Variants in SGCD observed in about 807,000 individuals in gnomAD.
SGCD encodes the protein delta-sarcoglycan.
Under a neutral mutation model 36.6 loss-of-function variants are expected in SGCD, and 18 were observed. That is an observed-to-expected ratio of 0.49 (90% confidence interval 0.34 to 0.73). SGCD has a LOEUF of 0.73. SGCD is among the 30% of genes least tolerant of loss of function. SGCD has a pLI of 0.01. For synonymous variants in SGCD, 133 were observed against 130.6 expected (o/e 1.02, Z -0.12); for missense variants, 387 against 346.7 (o/e 1.12, Z -0.92).
At chr5:155,825,686 T>C in the SGCD span, among the ~76,000 whole-genome samples, 1 of 151,834 alleles carries the variant, frequency 6.6e-6, no homozygotes, top group East Asian at 1.9e-4. Context: ...GATCGAGGAG[T>C]GCAAGCAATT....
chr5:156,428,326 A>C (rs1580978255), intron 3 of SGCD, among the ~76,000 whole-genome samples: 1 of 152,252 alleles, frequency 6.6e-6, no homozygotes, highest in South Asian at 2.1e-4. Flanking sequence ...TTATGTGCAT[A>C]AAGGTGTTCA....
At chr5:155,773,914 G>A in the SGCD span, among the ~76,000 whole-genome samples, 1 of 152,248 alleles carries the variant, frequency 6.6e-6, no homozygotes, top group Non-Finnish European at 1.5e-5. Flanking sequence ...AGGGTGGTGT[G>A]AAAATGTTGT....
intron 1 of SGCD, among the ~76,000 whole-genome samples, chr5:155,996,507 G>A (rs1409347586): frequency 6.6e-6 from 1 of 152,144 alleles, no homozygotes; most frequent in Non-Finnish European, 1.5e-5. Flanking sequence ...GCCGGGCGCG[G>A]TGGCTCACGC....
At chr5:156,669,141 G>T (rs1427740729) in intron 7 of SGCD, among the ~76,000 whole-genome samples, 2 of 152,100 alleles carry the variant, frequency 1.3e-5, no homozygotes, top group African/African-American at 4.8e-5. Flanking sequence ...AAAGTAGATA[G>T]TCCAGCTTGT....
At chr5:155,816,728 G>T in the SGCD span, among the ~76,000 whole-genome samples, 1 of 152,228 alleles carries the variant, frequency 6.6e-6, no homozygotes, top group East Asian at 1.9e-4. Context: ...GATTTGTGGG[G>T]ACAAGGCAGG....
intron 1 of SGCD, among the ~76,000 whole-genome samples, chr5:155,938,216 C>A (rs999877257): frequency 6.6e-6 from 1 of 152,180 alleles, no homozygotes; most frequent in Non-Finnish European, 1.5e-5. Context: ...CAATCAAACG[C>A]AGCATTTGAT....
intron 1 of SGCD, among the ~76,000 whole-genome samples, chr5:155,947,973 T>G (rs1757473017): frequency 6.6e-6 from 1 of 152,066 alleles, no homozygotes; most frequent in African/African-American, 2.4e-5. Context: ...TTATAAAGAT[T>G]TCATCATATG....
intron 1 of SGCD, among the ~76,000 whole-genome samples, chr5:156,099,177 G>C (rs977147783): frequency 6.6e-6 from 1 of 152,142 alleles, no homozygotes; most frequent in Non-Finnish European, 1.5e-5. Context: ...AGCTAGCCCC[G>C]TCTTTTTATC....
rs114881839 is a variant in SGCD, at chr5:156,025,295, G to A, written c.-281-92583G>A. 5.7e-3 allele frequency among the ~76,000 whole-genome samples: 869 copies of A among 152,262 alleles called. 3 individuals are homozygous for A. The highest frequency in any genetic ancestry group is 7.8e-3 in the Non-Finnish European group (533 of 68,012). On this transcript the variant is annotated intron_variant, in intron 1 of 9. Coordinates refer to the SGCD transcript ENST00000517913. ...GCCTCAGCATGAAAGTGGCCCATGA[G>A]TCTCCCACTCATATCTCATTAGTTG...
Position 156,761,008 on chromosome 5 carries a change from T to C in SGCD, c.*1618T>C, listed in dbSNP as rs1389818. On this transcript the variant is annotated 3_prime_UTR_variant, in exon 9 of 9. Coordinates refer to ENST00000337851, the MANE Select transcript of SGCD (RefSeq NM_000337.6). ...ACAGTCCTGGATGCCATTTGGAAAG[T>C]AGTGGCCCTGCAAGCCTAAATGAAG... 20,375 of 152,148 alleles carry C rather than the reference T, an allele frequency of 0.13. 2,678 individuals carry two copies. Among genetic ancestry groups the C allele is most frequent in the African/African-American group, 0.34 (14,129 of 41,452 alleles). 9.4% of individuals were successfully genotyped at this position (152,148 alleles called of 1,614,324 possible). A position where few individuals can be genotyped will look rare whatever the true frequency, so the allele number is the denominator to read the frequency against.
In SGCD at chr5:156,508,651, A is replaced by G. The variant is rs779825787; in HGVS notation, c.243A>G (p.Gly81=). 6.2e-7 allele frequency: 1 copy of G among 1,612,528 alleles called. No individual in the cohort carries two copies. Among genetic ancestry groups the G allele is most frequent in the South Asian group, 1.1e-5 (1 of 90,960 alleles). ...RITEKGLKLE[G]DSEFLQPLYA... is the part of the protein sequence containing the mutation. ...CAGAAAAAGGTCTAAAGCTAGAAGG[A>G]GACTCTGAATTCTTACAACCTCTCT... Residue 81 remains glycine (G), a synonymous_variant, in exon 4 of 9, where the codon GGA becomes GGG. Transcript: ENST00000337851.
Position 156,755,842 on chromosome 5 carries a change from G to C in SGCD, c.576-1739G>C, listed in dbSNP as rs114229311. ...GATGATTTTAGTTGAGTCATTGTAG[G>C]GGGGGACAATTCAAGGGAGAAGGCT... On this transcript the variant is annotated intron_variant, in intron 7 of 8. Transcript: ENST00000337851. Among the ~76,000 whole-genome samples the C allele has an allele frequency of 1.8e-3, 271 of 152,282 alleles. 1 individual carries two copies. The highest frequency in any genetic ancestry group is 5.9e-3 in the African/African-American group (246 of 41,542).
At chr5:156,708,794 ACAGT>A (rs1754854424) in intron 7 of SGCD, among the ~76,000 whole-genome samples, 1 of 152,170 alleles carries the variant, frequency 6.6e-6, no homozygotes, top group Admixed American at 6.5e-5. Flanking sequence ...CCCCAAAGAG[ACAGT>A]CAGATCCAGA....
chr5:156,125,427 T>C (rs1220410244), intron 3 of SGCD, among the ~76,000 whole-genome samples: 1 of 151,814 alleles, frequency 6.6e-6, no homozygotes. Context: ...GGGCCTTCCT[T>C]TGAGGATGAA....
chr5:156,109,464 T>A (rs1302522981), intron 1 of SGCD, among the ~76,000 whole-genome samples: 1 of 152,182 alleles, frequency 6.6e-6, no homozygotes, highest in African/African-American at 2.4e-5. Context: ...GCTTTATATG[T>A]TTAAACTCCT....
At chr5:156,164,788 T>C (rs2127619617) in intron 3 of SGCD, among the ~76,000 whole-genome samples, 1 of 152,324 alleles carries the variant, frequency 6.6e-6, no homozygotes, top group African/African-American at 2.4e-5. Flanking sequence ...TGTGCTTGGC[T>C]TTCAGAGGGA....
the SGCD span, among the ~76,000 whole-genome samples, chr5:155,826,849 A>G: frequency 6.6e-6 from 1 of 152,194 alleles, no homozygotes; most frequent in African/African-American, 2.4e-5. Context: ...TACATCTTAG[A>G]ATGCTAGTTT....
the SGCD span, among the ~76,000 whole-genome samples, chr5:155,841,913 T>C: frequency 3.3e-5 from 5 of 152,130 alleles, no homozygotes; most frequent in African/African-American, 1.2e-4. Flanking sequence ...ATGATTCTTC[T>C]GGTGGTGGGG....
intron 3 of SGCD, among the ~76,000 whole-genome samples, chr5:156,438,134 G>A (rs1039312878): frequency 6.6e-6 from 1 of 152,192 alleles, no homozygotes; most frequent in Non-Finnish European, 1.5e-5. Context: ...TGTCAGATGT[G>A]AGGACAGTAG....
Sources: allele counts gnomAD v4.1 joint callset (sites outside exome capture counted in the v4.1 genomes callset), GRCh38; gene constraint gnomAD v4.1.1; transcripts MANE v1.5; gene names NCBI Gene and HGNC (gene_info 2026-07-23, HGNC 2026-07-21).